TONSL: variants seen among roughly 807,000 people sequenced by gnomAD.
TONSL encodes the protein tonsoku-like protein.
Under a neutral mutation model 147.1 loss-of-function variants are expected in TONSL, and 112 were observed. The observed-to-expected ratio is 0.76, with a 90% confidence interval of 0.65 to 0.89. The LOEUF is 0.89. TONSL is among the 40% of genes least tolerant of loss of function. The pLI is 0.00. For synonymous variants in TONSL, 868 were observed against 801.5 expected, an observed-to-expected ratio of 1.08 and a Z score of -1.40; for missense variants, 1,883 against 1,864.6, an observed-to-expected ratio of 1.01 and a Z score of -0.18.
In TONSL at chr8:144,433,998, G is replaced by T; in HGVS notation, c.3367C>A (p.Pro1123Thr). Reference sequence around the variant, plus strand: ...TATACCTGCAAGGTGGCTTGGCCTGGGAGCCCCATGGCAAGCTGGCGCAGG... The same window carrying T: ...TATACCTGCAAGGTGGCTTGGCCTGTGAGCCCCATGGCAAGCTGGCGCAGG... ...EGLRQLAMGL[P>T]GQATLQSLEE... The change falls in exon 21 of 26, where the codon CCA becomes ACA. Residue 1123 changes from proline to threonine, a missense_variant. By Grantham distance (38) the Pro-to-Thr change is conservative. Coordinates refer to ENST00000409379, the MANE Select transcript of TONSL (RefSeq NM_013432.5). 1.3e-6 allele frequency: 2 copies of T among 1,593,442 alleles called. No homozygotes were observed. The highest frequency in any genetic ancestry group is 1.7e-6 in the Non-Finnish European group (2 of 1,167,484).
chr8:144,430,259 GC>G (rs1302863320), intron 25 of TONSL, 144 bp downstream of exon 25: 3 of 986,522 alleles, frequency 3.0e-6, no homozygotes, highest in African/African-American at 1.7e-5. Flanking sequence ...CTGTCACTCT[GC>G]CCCCTGCTGC....
rs1056149664 is a variant in TONSL, at chr8:144,438,793, C to A, written c.1481-58G>T. The A allele has an allele frequency of 1.9e-6, 3 of 1,554,810 alleles. No individual in the cohort carries two copies. The African/African-American group carries it at 4.1e-5, about 21-fold the overall frequency. On this transcript the variant is annotated intron_variant, in intron 11 of 25. Coordinates refer to ENST00000409379, the MANE Select transcript of TONSL (RefSeq NM_013432.5). Reference sequence around the variant, plus strand: ...CCGTGGGAGGTGAAGGTTAGCAGCCCCCACCCTGCTGCAAGCTCCCCAAAC... The same window carrying A: ...CCGTGGGAGGTGAAGGTTAGCAGCCACCACCCTGCTGCAAGCTCCCCAAAC...
chr8:144,440,861 C>G lies in TONSL; in HGVS notation c.1021G>C (p.Ala341Pro), dbSNP rs1394171873. Residue 341 changes from alanine (A) to proline (P), a missense_variant, in exon 9 of 26, where the codon GCT becomes CCT. Coordinates refer to ENST00000409379, the MANE Select transcript of TONSL (RefSeq NM_013432.5). The stretch of plus-strand genomic sequence containing the variant: ...GCACCCGGTCTGTCCAGCAGCTCAG[C>G]AAAACGCAGCTGGGGGCAGTGCCAG... ...AEAYQKQLRFAELLDRPGAER... is the reference protein window; with the variant it reads ...AEAYQKQLRFPELLDRPGAER... 1.2e-6 allele frequency: 2 copies of G among 1,612,698 alleles called. No individual in the cohort carries two copies. The highest frequency in any genetic ancestry group is 1.1e-5 in the South Asian group (1 of 91,080).
chr8:144,429,414 C>G, intron 25 of TONSL, 78 bp from the exon 26 acceptor site: 1 of 1,300,730 alleles, frequency 7.7e-7, no homozygotes, highest in Non-Finnish European at 9.9e-7. Context: ...CTCCAGGGAA[C>G]AAACTCGCTT....
Position 144,432,461 on chromosome 8 carries a change from C to G in TONSL, c.3560-1G>C. The G allele has an allele frequency of 6.5e-7, 1 of 1,533,992 alleles. No homozygotes were observed. On this transcript the variant is annotated splice_acceptor_variant, in intron 22 of 25. Transcript: ENST00000409379. LOFTEE classifies it high-confidence loss of function. The stretch of plus-strand genomic sequence containing the variant: ...GACAGGGTCTTCAGGTGCTCAGCAT[C>G]TGCACCGGGGCCAGAATCCGTCAGC...
At position 144,433,977 on chromosome 8, in the gene TONSL, CCTG is replaced by C; in HGVS notation, c.3385_3387del (p.Gln1129del). The C allele has an allele frequency of 1.3e-6, 2 of 1,578,084 alleles. No individual in the cohort carries two copies. Among genetic ancestry groups the C allele is most frequent in the African/African-American group, 2.7e-5 (2 of 74,304 alleles). On this transcript the variant is annotated inframe_deletion and splice_region_variant, in exon 21 of 26. Transcript: ENST00000409379. ...GGGCCTGCTGCTCTCTGTGCCTATACCTGCAAGGTGGCTTGGCCTGGGAGCCCC... is the reference window on the plus strand; with the variant it reads ...GGGCCTGCTGCTCTCTGTGCCTATACCAAGGTGGCTTGGCCTGGGAGCCCC...
At chr8:144,439,918 T>C in intron 11 of TONSL, 103 bp downstream of exon 11, 1 of 646,630 alleles carries the variant, frequency 1.5e-6, no homozygotes, top group Non-Finnish European at 2.7e-6. Flanking sequence ...CCTGTGGCTG[T>C]TCCTGCTACA....
At chr8:144,444,082 G>GA (rs1823818627) in intron 2 of TONSL, 58 bp from the exon 3 acceptor site, 2 of 1,374,774 alleles carry the variant, frequency 1.5e-6, no homozygotes, top group Non-Finnish European at 1.9e-6. Context: ...CGGCCCTGGG[G>GA]CGGCGTCTGC....
At chr8:144,437,496 ACCAG>A (rs930254937) in intron 13 of TONSL, among the ~76,000 whole-genome samples, 145 of 150,282 alleles carry the variant, frequency 9.6e-4, no homozygotes, top group African/African-American at 3.5e-3. Context: ...TTTTTTTGAG[ACCAG>A]CCAGGCTGGT....
chr8:144,430,943 G>T, intron 24 of TONSL, 135 bp downstream of exon 24: 1 of 1,031,028 alleles, frequency 9.7e-7, no homozygotes, highest in Non-Finnish European at 1.5e-6. Flanking sequence ...AGAGGCTGGT[G>T]GAAACCGAAG....
chr8:144,435,428 T>C, intron 18 of TONSL, 46 bp downstream of exon 18: 2 of 1,451,058 alleles, frequency 1.4e-6, no homozygotes, highest in Non-Finnish European at 1.9e-6. Context: ...CACCCTGGCA[T>C]GGAGCTGCAC....
intron 23 of TONSL, 41 bp from the exon 24 acceptor site, chr8:144,431,192 C>T (rs368544341): frequency 1.0e-5 from 16 of 1,599,302 alleles, no homozygotes; most frequent in Non-Finnish European, 1.4e-5. Flanking sequence ...AACGGAGTGG[C>T]GCACCTGCCC....
intron 20 of TONSL, 44 bp from the exon 21 acceptor site, chr8:144,434,323 C>T (rs1823345659): frequency 1.4e-6 from 2 of 1,452,820 alleles, no homozygotes; most frequent in African/African-American, 1.4e-5. Flanking sequence ...CCGGCCCTTT[C>T]TGCCCTCTGA....
chr8:144,432,267 T>C lies in TONSL; in HGVS notation c.3735+18A>G. 1 of 1,611,840 alleles carries C rather than the reference T, an allele frequency of 6.2e-7. No homozygotes were observed. The highest frequency in any genetic ancestry group is 8.5e-7 in the Non-Finnish European group (1 of 1,179,142). ...CCTCTGAGGCTCAGTATTTTCTGGG[T>C]TCTTCCCCACCTCGTACCTTGGCCA... On this transcript the variant is annotated intron_variant, in intron 23 of 25. Coordinates refer to ENST00000409379, the MANE Select transcript of TONSL (RefSeq NM_013432.5).
rs1823176654 is a variant in TONSL, at chr8:144,431,267, T to C, written c.3736-116A>G. ...GAAGGGAGCAGAGTCCCCCATCAAG[T>C]TGGAGATCGGAAGGAAACACCTCTC... On this transcript the variant is annotated intron_variant, in intron 23 of 25. Transcript: ENST00000409379. The C allele has an allele frequency of 4.4e-6, 4 of 909,974 alleles. No homozygotes were observed. The South Asian group carries it at 5.7e-5, about 13-fold the overall frequency. 56.4% of individuals were successfully genotyped at this position (909,974 alleles called of 1,614,324 possible).
chr8:144,433,072 C>G (rs1564727264), intron 22 of TONSL: 1 of 157,288 alleles, frequency 6.4e-6, no homozygotes, highest in Non-Finnish European at 1.4e-5. Context: ...ATCCCAGGCC[C>G]CTAGACGTTG....
chr8:144,443,760 C>T (rs1184691204), intron 3 of TONSL, 122 bp downstream of exon 3: 2 of 1,378,934 alleles, frequency 1.5e-6, no homozygotes. Context: ...GAAGGCAAGG[C>T]TGCGTCAGGT....
In TONSL at chr8:144,441,092, C is replaced by T. The variant is rs147397546; in HGVS notation, c.885G>A (p.Leu295=). ...CCTCAGCCTCTTCCAGCTGTTGCTG[C>T]AGCCGGACCACTGCCAGCACTGCCG... ...NLQHVLAVVR[L]QQQLEEAEGR... Residue 295 remains leucine, a synonymous_variant, in exon 8 of 26, where the codon CTG becomes CTA. Transcript: ENST00000409379. 5,107 of 1,612,830 alleles carry T rather than the reference C, an allele frequency of 3.2e-3. 11 individuals are homozygous for T. Among genetic ancestry groups the T allele is most frequent in the Non-Finnish European group, 3.9e-3 (4,554 of 1,179,970 alleles).
intron 16 of TONSL, 38 bp downstream of exon 16, chr8:144,436,520 G>C: frequency 6.3e-7 from 1 of 1,598,488 alleles, no homozygotes; most frequent in African/African-American, 1.3e-5. Flanking sequence ...TCTCAGCGTA[G>C]GCACAGCAAC....
Sources: gnomAD v4.1 joint callset for allele counts (sites outside exome capture counted in the v4.1 genomes callset) on GRCh38, gnomAD v4.1.1 for gene constraint, MANE v1.5 for transcripts, NCBI Gene and HGNC (gene_info 2026-07-23, HGNC 2026-07-21) for gene names.